FGF19: variants seen among roughly 807,000 people sequenced by gnomAD.
The protein encoded by FGF19 is fibroblast growth factor 19.
FGF19 carries 5 observed loss-of-function variants against 8.9 expected under a neutral mutation model. The observed-to-expected ratio is 0.56, with a 90% CI of 0.29 to 1.18. The LOEUF (loss-of-function observed/expected upper bound fraction) is 1.18. FGF19 is among the 50% of genes most tolerant of loss of function. FGF19 has a pLI of 0.08. For synonymous variants in FGF19, 124 were observed against 128.0 expected, an observed-to-expected ratio of 0.97 and a Z score of 0.21; for missense variants, 237 against 293.9, an observed-to-expected ratio of 0.81 and a Z score of 1.42.
chr11:69,701,965 C>CAAAAAAAAAAAAAAAAAAAAAA (rs59026695), intron 2 of FGF19, among the ~76,000 whole-genome samples: 2 of 72,904 alleles, frequency 2.7e-5, no homozygotes, highest in African/African-American at 1.3e-4. Flanking sequence ...AAGACTCTGC[C>CAAAAAAAAAAAAAAAAAAAAAA]AAAAAAAAAA....
Position 69,703,475 on chromosome 11 carries a change from G to A in FGF19, c.233-111C>T. 1 of 911,016 alleles carries A rather than the reference G, an allele frequency of 1.1e-6. No homozygotes were observed. The highest frequency in any genetic ancestry group is 1.6e-6 in the Non-Finnish European group (1 of 615,018). 56.4% of individuals were successfully genotyped at this position (911,016 alleles called of 1,614,324 possible). Reference sequence around the variant, plus strand: ...TCCCTAGCGTCCCGCGCTGTTTGGGGACTAACGGAGGGATCCTAACGTCCA... The same window carrying A: ...TCCCTAGCGTCCCGCGCTGTTTGGGAACTAACGGAGGGATCCTAACGTCCA... On this transcript the variant is annotated intron_variant, in intron 1 of 2. Coordinates refer to ENST00000294312, the MANE Select transcript of FGF19 (RefSeq NM_005117.3). The surrounding 1 kb of genome is among the most constrained non-coding windows in gnomAD (Gnocchi z 6.8).
intron 2 of FGF19, among the ~76,000 whole-genome samples, chr11:69,701,979 A>AAAAAAAAAAAAAAAAAAAC (rs1854776812): frequency 6.6e-6 from 1 of 150,488 alleles, no homozygotes; most frequent in East Asian, 1.9e-4. Context: ...AAAAAAAAAA[A>AAAAAAAAAAAAAAAAAAAC]AAAAAAAAAA....
chr11:69,702,976 G>T lies in FGF19; in HGVS notation c.336+285C>A, dbSNP rs1445116478. 1.3e-5 allele frequency among the ~76,000 whole-genome samples: 2 copies of T among 152,162 alleles called. No individual in the cohort carries two copies. The highest frequency in any genetic ancestry group is 2.1e-4 in the South Asian group (1 of 4,820). ...TAATATCAAAGGAGGCCGAATAATG[G>T]GTTTCCTCGGTCCGGCTAGGCCGGC... On this transcript the variant is annotated intron_variant, in intron 2 of 2. Coordinates refer to ENST00000294312, the MANE Select transcript of FGF19 (RefSeq NM_005117.3). This position sits in a 1 kb window ranked among gnomAD's most constrained non-coding sequence, Gnocchi z 4.6.
chr11:69,703,916 G>A lies in FGF19; in HGVS notation c.-40C>T. On this transcript the variant is annotated 5_prime_UTR_variant, in exon 1 of 3. Transcript: ENST00000294312. The surrounding 1 kb of genome is among the most constrained non-coding windows in gnomAD (Gnocchi z 6.8). Reference sequence around the variant, plus strand: ...GCTCTCGGCGCAGCTCCGGCGATGGGGGTGCGGGAGGCTGGGCGGCGACCG... The same window carrying A: ...GCTCTCGGCGCAGCTCCGGCGATGGAGGTGCGGGAGGCTGGGCGGCGACCG... 1.4e-5 allele frequency: 17 copies of A among 1,186,410 alleles called. No homozygotes were observed. Among genetic ancestry groups the A allele is most frequent in the South Asian group, 3.7e-5 (1 of 27,028 alleles). 73.5% of individuals were successfully genotyped at this position (1,186,410 alleles called of 1,614,324 possible).
chr11:69,703,191 C>T lies in FGF19; in HGVS notation c.336+70G>A. 1 of 1,122,104 alleles carries T rather than the reference C, an allele frequency of 8.9e-7. No individual in the cohort carries two copies. Among genetic ancestry groups the T allele is most frequent in the Non-Finnish European group, 1.3e-6 (1 of 774,960 alleles). The allele number at this position is 1,122,104 out of a possible 1,614,324, so 69.5% of individuals were successfully genotyped here. A position where few individuals can be genotyped will look rare whatever the true frequency, so the allele number is the denominator to read the frequency against. ...GGATTCGAACCAGCGCCTTTCTCTC[C>T]TTCAGGCCTCCGCCCGGGGACAGGC... On this transcript the variant is annotated intron_variant, in intron 2 of 2. Transcript: ENST00000294312. The surrounding 1 kb of genome is among the most constrained non-coding windows in gnomAD (Gnocchi z 6.8).
chr11:69,701,322 C>T (rs1444165270), intron 2 of FGF19, among the ~76,000 whole-genome samples: 1 of 152,172 alleles, frequency 6.6e-6, no homozygotes, highest in Non-Finnish European at 1.5e-5. Flanking sequence ...AAGAAAGAGG[C>T]CAGGCGAGGT....
At position 69,703,335 on chromosome 11, in the gene FGF19, G is replaced by T. The variant is rs995993538; in HGVS notation, c.262C>A (p.Arg88=). The change falls in exon 2 of 3, where the codon CGG becomes AGG. Residue 88 remains arginine, a synonymous_variant. Coordinates refer to ENST00000294312, the MANE Select transcript of FGF19 (RefSeq NM_005117.3). The surrounding 1 kb of genome is among the most constrained non-coding windows in gnomAD (Gnocchi z 6.8). ...TGCACGCCCTTGATGGCCACGGTCCGCAGAGCGACTGCCTTGATCTCCAGC... is the reference window on the plus strand; with the variant it reads ...TGCACGCCCTTGATGGCCACGGTCCTCAGAGCGACTGCCTTGATCTCCAGC... ...SLLEIKAVAL[R]TVAIKGVHSV... is the part of the protein sequence containing the mutation. 6.2e-7 allele frequency: 1 copy of T among 1,610,102 alleles called. No individual in the cohort carries two copies. Among genetic ancestry groups the T allele is most frequent in the Non-Finnish European group, 8.5e-7 (1 of 1,178,620 alleles).
chr11:69,699,363 C>T lies in FGF19; in HGVS notation c.550G>A (p.Glu184Lys), dbSNP rs199891170. ...AGGGGCGAAGAGAACATGTCAGATT[C>T]CAAGTGGCCCCTGAGGTCCTCAGGC... Reference protein sequence around the residue: ...EEPEDLRGHLESDMFSSPLET... With the variant: ...EEPEDLRGHLKSDMFSSPLET... The change falls in exon 3 of 3, where the codon GAA (glutamate) becomes AAA (lysine). Residue 184 changes from glutamate (E) to lysine (K), a missense_variant. Transcript: ENST00000294312. The T allele has an allele frequency of 2.8e-4, 455 of 1,614,178 alleles. 1 individual carries two copies. Among genetic ancestry groups the T allele is most frequent in the Non-Finnish European group, 3.3e-4 (388 of 1,180,030 alleles).
chr11:69,701,624 A>AC (rs1335834236), intron 2 of FGF19, among the ~76,000 whole-genome samples: 1 of 150,436 alleles, frequency 6.6e-6, no homozygotes, highest in East Asian at 1.9e-4. Context: ...AAAAAAAAAA[A>AC]AAAAAGATCC....
Position 69,699,193 on chromosome 11 carries a change from A to G in FGF19, c.*69T>C, listed in dbSNP as rs570500898. On this transcript the variant is annotated 3_prime_UTR_variant, in exon 3 of 3. Coordinates refer to ENST00000294312, the MANE Select transcript of FGF19 (RefSeq NM_005117.3). ...CGTGGACTCAGGACTGTTCTTGTAG[A>G]AGCACGTCCCCCACGCTGCAGGTAC... The G allele has an allele frequency of 4.4e-6, 5 of 1,136,300 alleles. No homozygotes were observed. The highest frequency in any genetic ancestry group is 6.3e-6 in the Non-Finnish European group (5 of 795,154). 70.4% of individuals were successfully genotyped at this position (1,136,300 alleles called of 1,614,324 possible).
rs750699805 is a variant in FGF19, at chr11:69,699,227, C to A, written c.*35G>T. The A allele has an allele frequency of 7.0e-5, 107 of 1,529,760 alleles. No individual in the cohort carries two copies. The highest frequency in any genetic ancestry group is 1.7e-4 in the Admixed American group (9 of 54,420). 94.8% of individuals were successfully genotyped at this position (1,529,760 alleles called of 1,614,324 possible). On this transcript the variant is annotated 3_prime_UTR_variant, in exon 3 of 3. Transcript: ENST00000294312. ...CCCCACGCTGCAGGTACCACAGCCC[C>A]TGGCAGCAGTGAAGAGGCCCGGGCA...
At position 69,703,115 on chromosome 11, in the gene FGF19, CTT is replaced by C. The variant is rs1007115177; in HGVS notation, c.336+144_336+145del. ...CATGCACTTAATCGGTCTTTGCAAT[CTT>C]TCCCTCGAAGTTGCACGCGGGTCTG... On this transcript the variant is annotated intron_variant, in intron 2 of 2. Coordinates refer to ENST00000294312, the MANE Select transcript of FGF19 (RefSeq NM_005117.3). The surrounding 1 kb of genome is among the most constrained non-coding windows in gnomAD (Gnocchi z 6.8). The C allele has an allele frequency of 2.9e-5, 16 of 550,970 alleles. No individual in the cohort carries two copies. The Admixed American group carries it at 3.3e-4, about 12-fold the overall frequency. 34.1% of individuals were successfully genotyped at this position (550,970 alleles called of 1,614,324 possible). A position where few individuals can be genotyped will look rare whatever the true frequency, so the allele number is the denominator to read the frequency against.
Position 69,702,387 on chromosome 11 carries a change from A to AC in FGF19, c.336+873dup, listed in dbSNP as rs1006094092. On this transcript the variant is annotated intron_variant, in intron 2 of 2. Transcript: ENST00000294312. This position sits in a 1 kb window ranked among gnomAD's most constrained non-coding sequence, Gnocchi z 4.6. ...GTGGGGGCCCCGGGCAGGCGCGGCC[A>AC]CCCCCGCCCTGGCCCCTGCTCCGCC... Among the ~76,000 whole-genome samples, 1 of 151,646 alleles carries AC rather than the reference A, an allele frequency of 6.6e-6. No homozygotes were observed. The highest frequency in any genetic ancestry group is 2.4e-5 in the African/African-American group (1 of 41,238).
chr11:69,703,236 G>T lies in FGF19; in HGVS notation c.336+25C>A. ...ACAGGCGCCGGTCCCCCGCCCCGGC[G>T]CATCCGCCCCGTGGGGACACTTACC... On this transcript the variant is annotated intron_variant, in intron 2 of 2. Coordinates refer to ENST00000294312, the MANE Select transcript of FGF19 (RefSeq NM_005117.3). This position sits in a 1 kb window ranked among gnomAD's most constrained non-coding sequence, Gnocchi z 6.8. The T allele has an allele frequency of 1.3e-6, 2 of 1,524,364 alleles. No homozygotes were observed. The highest frequency in any genetic ancestry group is 1.8e-6 in the Non-Finnish European group (2 of 1,119,382). 94.4% of individuals were successfully genotyped at this position (1,524,364 alleles called of 1,614,324 possible).
At chr11:69,699,724 G>T in intron 2 of FGF19, 148 bp from the exon 3 acceptor site, 1 of 604,100 alleles carries the variant, frequency 1.7e-6, no homozygotes, top group Non-Finnish European at 2.9e-6. Flanking sequence ...CATACTTCCT[G>T]ATGTACACAC....
At position 69,699,427 on chromosome 11, in the gene FGF19, G is replaced by A. The variant is rs140964535; in HGVS notation, c.486C>T (p.Leu162=). Residue 162 remains leucine, a synonymous_variant, in exon 3 of 3, where the codon CTC becomes CTT. Transcript: ENST00000294312. ...TGGGCAGCATGGGCAGGAAATGAGA[G>A]AGTGGAAGAAAGCCTCTGTTCTTGT... ...QLYKNRGFLP[L]SHFLPMLPMV... 3 of 1,614,218 alleles carry A rather than the reference G, an allele frequency of 1.9e-6. No individual in the cohort carries two copies. Among genetic ancestry groups the A allele is most frequent in the East Asian group, 2.2e-5 (1 of 44,876 alleles).
rs1346925331 is a variant in FGF19, at chr11:69,698,739, G to A, written c.*523C>T. On this transcript the variant is annotated 3_prime_UTR_variant, in exon 3 of 3. Transcript: ENST00000294312. ...GCCTGCTCCAGTCAGTTCTGGCCTG[G>A]AGGGATTTGGGAAGGGCAAATGGTC... The A allele has an allele frequency of 4.9e-6, 1 of 204,404 alleles. No individual in the cohort carries two copies. The highest frequency in any genetic ancestry group is 1.0e-5 in the Non-Finnish European group (1 of 99,242). 12.7% of individuals were successfully genotyped at this position (204,404 alleles called of 1,614,324 possible). A position where few individuals can be genotyped will look rare whatever the true frequency, so the allele number is the denominator to read the frequency against.
chr11:69,701,859 A>T (rs935893912), intron 2 of FGF19, among the ~76,000 whole-genome samples: 2 of 146,064 alleles, frequency 1.4e-5, no homozygotes, highest in African/African-American at 2.6e-5. Flanking sequence ...TCCCAGCTCC[A>T]TGGGAGGCTG....
intron 2 of FGF19, among the ~76,000 whole-genome samples, chr11:69,701,582 G>C (rs1265882365): frequency 8.3e-6 from 1 of 120,496 alleles, no homozygotes; most frequent in East Asian, 2.6e-4. Context: ...CAGCCTGGGC[G>C]ACAGAGCAAG....
Sources: allele counts gnomAD v4.1 joint callset (sites outside exome capture counted in the v4.1 genomes callset), GRCh38; gene constraint gnomAD v4.1.1; non-coding constraint Gnocchi (gnomAD v3.1); transcripts MANE v1.5; gene names NCBI Gene and HGNC (gene_info 2026-07-23, HGNC 2026-07-21).